Variants in ZBTB25 observed in about 807,000 individuals in gnomAD.
ZBTB25 encodes the protein zinc finger and BTB domain-containing protein 25.
Under a neutral mutation model 34.2 loss-of-function variants are expected in ZBTB25, and 20 were observed. That is an observed-to-expected ratio of 0.58 (90% confidence interval 0.41 to 0.85). The LOEUF (loss-of-function observed/expected upper bound fraction) is 0.85, where lower values mean the gene tolerates loss of function less well. Ranked by LOEUF, ZBTB25 falls within the 40% of genes least tolerant of loss-of-function variation. The probability of loss-of-function intolerance (pLI) is 0.00; values close to 1 mark genes in which losing one functional copy is unlikely to be tolerated. For missense variants in ZBTB25, 437 were observed against 521.8 expected (o/e 0.84, Z 1.58); for synonymous variants, 175 against 186.4 (o/e 0.94, Z 0.50).
chr14:64,468,948 G>C (rs758179190), intron 2 of ZBTB25: 3 of 1,614,196 alleles, frequency 1.9e-6, no homozygotes, highest in Non-Finnish European at 2.5e-6. Flanking sequence ...CTAAGTGAAG[G>C]CATCTCACGG....
Position 64,480,367 on chromosome 14 carries a change from T to C in ZBTB25, c.*6556A>G, listed in dbSNP as rs1431363187. On this transcript the variant is annotated 3_prime_UTR_variant, in exon 3 of 3. Coordinates refer to ENST00000608382, the MANE Select transcript of ZBTB25 (RefSeq NM_006977.5). ...AAAAAGAAGAAGCAAAGCAAGAAACTTCTGGGAAATGACGAAATACTACCT... is the reference window on the plus strand; with the variant it reads ...AAAAAGAAGAAGCAAAGCAAGAAACCTCTGGGAAATGACGAAATACTACCT... 7 of 383,172 alleles carry C rather than the reference T, an allele frequency of 1.8e-5. No individual in the cohort carries two copies. The highest frequency in any genetic ancestry group is 3.5e-5 in the Non-Finnish European group (7 of 198,762). 23.7% of individuals were successfully genotyped at this position (383,172 alleles called of 1,614,324 possible).
At chr14:64,503,197 G>A (rs903888635) in intron 1 of ZBTB25, 2 of 985,382 alleles carry the variant, frequency 2.0e-6, no homozygotes, top group African/African-American at 1.7e-5. Context: ...AGGGGGGGAT[G>A]TCTTCTTGCC....
At position 64,485,353 on chromosome 14, in the gene ZBTB25, TA is replaced by T. The variant is rs1336442570; in HGVS notation, c.*1569del. ...TCAAATGCCCGTGAAGCTTAGAATT[TA>T]ACAAGAGGGCAAAAAAAGATGAGTC... On this transcript the variant is annotated 3_prime_UTR_variant, in exon 3 of 3. Coordinates refer to ENST00000608382, the MANE Select transcript of ZBTB25 (RefSeq NM_006977.5). The T allele has an allele frequency of 1.0e-5, 10 of 985,458 alleles. No individual in the cohort carries two copies. Among genetic ancestry groups the T allele is most frequent in the Admixed American group, 6.1e-5 (1 of 16,292 alleles). 61.0% of individuals were successfully genotyped at this position (985,458 alleles called of 1,614,324 possible). A position where few individuals can be genotyped will look rare whatever the true frequency, so the allele number is the denominator to read the frequency against.
intron 1 of ZBTB25, among the ~76,000 whole-genome samples, chr14:64,495,915 A>G (rs2079258538): frequency 6.6e-6 from 1 of 151,900 alleles, no homozygotes; most frequent in East Asian, 1.9e-4. Context: ...AGATCACGCT[A>G]CTGCACTCCA....
intron 2 of ZBTB25, among the ~76,000 whole-genome samples, chr14:64,450,174 T>C (rs559691769): frequency 6.6e-6 from 1 of 152,306 alleles, no homozygotes; most frequent in Non-Finnish European, 1.5e-5. Flanking sequence ...GGGGAACCGT[T>C]GCTCATATCC....
chr14:64,502,654 T>C, intron 1 of ZBTB25: 7 of 985,348 alleles, frequency 7.1e-6, no homozygotes, highest in African/African-American at 1.7e-5. Context: ...TATAATGACC[T>C]CCGCCGGATA....
chr14:64,492,135 A>T (rs1342785450), intron 1 of ZBTB25, among the ~76,000 whole-genome samples: 1 of 150,862 alleles, frequency 6.6e-6, no homozygotes, highest in Non-Finnish European at 1.5e-5. Context: ...AAAAAAAAAA[A>T]AAAAGGCAGA....
rs773683051 is a variant in ZBTB25 at position 64,449,472 on chromosome 14, C to T, written c.*79G>A. ...CGGATACAGAGTCTGAGCTGGACCT[C>T]ATCAGCCGCCTTTCCAGAGAACATG... On this transcript the variant is annotated 3_prime_UTR_variant, in exon 3 of 3. Transcript: ENST00000555220. The T allele has an allele frequency of 3.1e-6, 5 of 1,613,722 alleles. No homozygotes were observed. In the African/African-American group the frequency reaches 6.7e-5, roughly 22 times the overall value.
In ZBTB25 at chr14:64,458,127, G is replaced by A. The variant is rs1018047140; in HGVS notation, c.174-8489C>T. The A allele has an allele frequency of 1.2e-5, 13 of 1,066,012 alleles. No homozygotes were observed. The African/African-American group carries it at 2.0e-4, about 17-fold the overall frequency. The allele number at this position is 1,066,012 out of a possible 1,614,324, so 66.0% of individuals were successfully genotyped here. The stretch of plus-strand genomic sequence containing the variant: ...GGTGGTTTAGAACTCCTGGCCTCAA[G>A]TGATCCTCTCCACCTCAGCCTGGGA... On this transcript the variant is annotated intron_variant, in intron 2 of 2. Coordinates refer to the ZBTB25 transcript ENST00000555220.
intron 2 of ZBTB25, chr14:64,454,963 A>C (rs1387676997): frequency 7.2e-7 from 1 of 1,383,636 alleles, no homozygotes; most frequent in Non-Finnish European, 1.0e-6. Flanking sequence ...ATGCCAAGTG[A>C]GCAGAGTTCA....
chr14:64,504,604 C>T (rs557487578), upstream of ZBTB25: 5 of 276,378 alleles, frequency 1.8e-5, no homozygotes, highest in African/African-American at 8.8e-5. Flanking sequence ...AACAGGCGAC[C>T]GCGGGTGCCC....
Position 64,501,277 on chromosome 14 carries a change from T to G in ZBTB25, c.-8+2384A>C, listed in dbSNP as rs527270418. Among the ~76,000 whole-genome samples, 4 of 152,322 alleles carry G rather than the reference T, an allele frequency of 2.6e-5. No homozygotes were observed. The South Asian group carries it at 8.3e-4, about 32-fold the overall frequency. On this transcript the variant is annotated intron_variant, in intron 1 of 2. Coordinates refer to ENST00000608382, the MANE Select transcript of ZBTB25 (RefSeq NM_006977.5). Reference sequence around the variant, plus strand: ...CTTGTGCTAAGTGCTCTATATACACTATCTCTTAAAATCGTCACTGTGATG... The same window carrying G: ...CTTGTGCTAAGTGCTCTATATACACGATCTCTTAAAATCGTCACTGTGATG...
chr14:64,479,242 A>G lies in ZBTB25; in HGVS notation c.*7681T>C, dbSNP rs2078750989. 6.6e-6 allele frequency: 1 copy of G among 152,176 alleles called. No homozygotes were observed. Among genetic ancestry groups the G allele is most frequent in the South Asian group, 2.1e-4 (1 of 4,828 alleles). The allele number at this position is 152,176 out of a possible 1,614,324, so 9.4% of individuals were successfully genotyped here. Reference sequence around the variant, plus strand: ...GGTCTCAGAAGGGTTGGTCAACCTCAGCTCTAATGACATTTTGAGGTACAT... The same window carrying G: ...GGTCTCAGAAGGGTTGGTCAACCTCGGCTCTAATGACATTTTGAGGTACAT... On this transcript the variant is annotated 3_prime_UTR_variant, in exon 3 of 3. Coordinates refer to ENST00000608382, the MANE Select transcript of ZBTB25 (RefSeq NM_006977.5).
At chr14:64,449,838 G>A (rs1309942348) in intron 2 of ZBTB25, among the ~76,000 whole-genome samples, 2 of 152,170 alleles carry the variant, frequency 1.3e-5, no homozygotes, top group African/African-American at 2.4e-5. Flanking sequence ...GCCCAGGCTC[G>A]AGTGCAGAGG....
At chr14:64,458,319 C>CCTGTT (rs1449333934) in intron 2 of ZBTB25, 10 of 1,584,232 alleles carry the variant, frequency 6.3e-6, no homozygotes, top group Non-Finnish European at 8.7e-6. Context: ...TAAGTTGTTA[C>CCTGTT]TGGGTAATAA....
At chr14:64,505,025 G>C (rs761546), upstream of ZBTB25, 183,220 of 384,068 alleles carry the variant, frequency 0.48, 45,226 homozygotes, top group East Asian at 0.65. Flanking sequence ...GCCTGGCGGA[G>C]TGCGGGGCCG....
chr14:64,498,659 A>T (rs1378308369), intron 1 of ZBTB25, among the ~76,000 whole-genome samples: 2 of 147,774 alleles, frequency 1.4e-5, no homozygotes, highest in African/African-American at 5.0e-5. Context: ...TTTGAGACAG[A>T]GTCTCACTCT....
rs963704931 is a variant in ZBTB25 at position 64,458,131 on chromosome 14, T to A, written c.174-8493A>T. The A allele has an allele frequency of 6.4e-6, 7 of 1,092,894 alleles. No individual in the cohort carries two copies. In the African/African-American group the frequency reaches 1.1e-4, roughly 17 times the overall value. 67.7% of individuals were successfully genotyped at this position (1,092,894 alleles called of 1,614,324 possible). A position where few individuals can be genotyped will look rare whatever the true frequency, so the allele number is the denominator to read the frequency against. On this transcript the variant is annotated intron_variant, in intron 2 of 2. Transcript: ENST00000555220. ...GTTTAGAACTCCTGGCCTCAAGTGA[T>A]CCTCTCCACCTCAGCCTGGGATTAT...
In ZBTB25 at chr14:64,487,147, T is replaced by A. The variant is rs1463200806; in HGVS notation, c.1084A>T (p.Ser362Cys). Residue 362 changes from serine (S) to cysteine (C), a missense_variant, in exon 3 of 3, where the codon AGC (serine) becomes TGC (cysteine). Transcript: ENST00000608382. ...TICGHKFPRK[S>C]QLLEHMYTHK... is the part of the protein sequence containing the mutation. ...GTATACATGTGTTCCAACAATTGGC[T>A]CTTTCGAGGGAATTTATGACCACAG... 1 of 1,614,002 alleles carries A rather than the reference T, an allele frequency of 6.2e-7. No homozygotes were observed. The highest frequency in any genetic ancestry group is 1.3e-5 in the African/African-American group (1 of 74,902).
Sources: gnomAD v4.1 joint callset for allele counts (sites outside exome capture counted in the v4.1 genomes callset) on GRCh38, gnomAD v4.1.1 for gene constraint, MANE v1.5 for transcripts, NCBI Gene and HGNC (gene_info 2026-07-23, HGNC 2026-07-21) for gene names.